The following CSMD3 variants were observed in gnomAD, a reference collection of about 807,000 sequenced individuals.
The protein encoded by CSMD3 is CUB and sushi domain-containing protein 3.
A neutral mutation model predicts 435.2 loss-of-function variants in CSMD3; 177 were observed. The ratio of observed to expected loss-of-function variants is 0.41; its 90% CI spans 0.36 to 0.46. The LOEUF (loss-of-function observed/expected upper bound fraction) is 0.46. CSMD3 is among the 20% of genes least tolerant of loss of function. CSMD3 has a pLI of 0.34. For synonymous variants in CSMD3, 1,656 were observed against 1,520.5 expected (o/e 1.09, Z -2.07); for missense variants, 4,265 against 4,504.6 (o/e 0.95, Z 1.52).
At chr8:112,262,167 T>C (rs1816470680) in intron 61 of CSMD3, among the ~76,000 whole-genome samples, 1 of 152,038 alleles carries the variant, frequency 6.6e-6, no homozygotes, top group Non-Finnish European at 1.5e-5. Flanking sequence ...CTAGCACTGA[T>C]TTATTTGTTG....
intron 59 of CSMD3, among the ~76,000 whole-genome samples, chr8:112,272,853 C>T (rs1419654333): frequency 6.6e-6 from 1 of 152,102 alleles, no homozygotes; most frequent in East Asian, 1.9e-4. Context: ...AAACCTCTCT[C>T]TTTGTTTCTT....
At chr8:113,085,296 G>GTCTAAAT (rs1375930205) in intron 5 of CSMD3, among the ~76,000 whole-genome samples, 1 of 151,446 alleles carries the variant, frequency 6.6e-6, no homozygotes, top group Admixed American at 6.6e-5. Context: ...ATCTAAATAG[G>GTCTAAAT]TGCTTGAGAA....
chr8:112,367,674 C>G (rs4876283), intron 38 of CSMD3, among the ~76,000 whole-genome samples: 59,900 of 151,988 alleles, frequency 0.39, 13,287 homozygotes, highest in Middle Eastern at 0.54. Flanking sequence ...ATGCAACAGC[C>G]TCCTCTTAAA....
At chr8:113,392,937 ATG>A (rs2094467001) in intron 1 of CSMD3, among the ~76,000 whole-genome samples, 1 of 109,458 alleles carries the variant, frequency 9.1e-6, no homozygotes, top group Non-Finnish European at 1.8e-5. Flanking sequence ...TTCTCTCTGC[ATG>A]TGTCTATATA....
At chr8:112,328,190 T>A (rs1162310649) in intron 45 of CSMD3, among the ~76,000 whole-genome samples, 1 of 152,152 alleles carries the variant, frequency 6.6e-6, no homozygotes, top group East Asian at 1.9e-4. Flanking sequence ...AATCTCATGA[T>A]TTGGGGGAGA....
chr8:112,428,395 C>A (rs1256255356), intron 32 of CSMD3, among the ~76,000 whole-genome samples: 1 of 151,864 alleles, frequency 6.6e-6, no homozygotes, highest in Non-Finnish European at 1.5e-5. Context: ...TTGGATATAC[C>A]AAACAACCAT....
At chr8:112,514,817 G>C (rs1440471998) in intron 28 of CSMD3, among the ~76,000 whole-genome samples, 2 of 151,958 alleles carry the variant, frequency 1.3e-5, no homozygotes, top group African/African-American at 4.8e-5. Flanking sequence ...TTAATCTTTG[G>C]CATGGTATTT....
intron 8 of CSMD3, among the ~76,000 whole-genome samples, chr8:112,948,152 T>C (rs2130800087): frequency 6.6e-6 from 1 of 152,088 alleles, no homozygotes; most frequent in South Asian, 2.1e-4. Flanking sequence ...GTTTTTAGTT[T>C]CCATCAAATT....
At chr8:112,716,414 A>G (rs2076729766) in intron 13 of CSMD3, among the ~76,000 whole-genome samples, 1 of 152,220 alleles carries the variant, frequency 6.6e-6, no homozygotes, top group African/African-American at 2.4e-5. Context: ...CTGCTCAAGG[A>G]AATAAGAGAA....
At chr8:112,469,703 A>G (rs1299307393) in intron 32 of CSMD3, among the ~76,000 whole-genome samples, 1 of 152,130 alleles carries the variant, frequency 6.6e-6, no homozygotes, top group Non-Finnish European at 1.5e-5. Flanking sequence ...GGCAGTAATG[A>G]TAGCTCACCT....
At chr8:113,021,267 T>C (rs2131183447) in intron 5 of CSMD3, among the ~76,000 whole-genome samples, 1 of 152,330 alleles carries the variant, frequency 6.6e-6, no homozygotes, top group Non-Finnish European at 1.5e-5. Flanking sequence ...TAAAATTTGC[T>C]TTCATTACTT....
chr8:112,894,454 T>C (rs1463163548), intron 10 of CSMD3, among the ~76,000 whole-genome samples: 1 of 151,370 alleles, frequency 6.6e-6, no homozygotes, highest in Non-Finnish European at 1.5e-5. Context: ...AATATTAGTA[T>C]AATATCTGAT....
intron 28 of CSMD3, among the ~76,000 whole-genome samples, chr8:112,509,855 A>G (rs959851386): frequency 4.2e-4 from 63 of 151,548 alleles, no homozygotes; most frequent in African/African-American, 1.5e-3. Context: ...CTCCTCCTAC[A>G]GATTTCTTGG....
rs1821077449 is a variant in CSMD3, at chr8:112,494,501, T to TTCTTTC, written c.5084-1824_5084-1819dup. Reference sequence around the variant, plus strand: ...TCTTTTGTTTCTTTCTCTCCTTTCTTTCTTTCTTTCTTTCTTTCTTTCTTT... The same window carrying TTCTTTC: ...TCTTTTGTTTCTTTCTCTCCTTTCTTTCTTTCTCTTTCTTTCTTTCTTTCTTTCTTT... On this transcript the variant is annotated intron_variant, in intron 30 of 70. Transcript: ENST00000297405. Among the ~76,000 whole-genome samples the TTCTTTC allele has an allele frequency of 9.1e-5, 3 of 33,100 alleles. 1 individual carries two copies. Among genetic ancestry groups the TTCTTTC allele is most frequent in the African/African-American group, 2.9e-4 (3 of 10,380 alleles). 21.7% of individuals were successfully genotyped at this position (33,100 alleles called of 152,430 possible).
chr8:112,489,290 T>C (rs529546829), intron 31 of CSMD3, among the ~76,000 whole-genome samples: 1 of 152,060 alleles, frequency 6.6e-6, no homozygotes, highest in Non-Finnish European at 1.5e-5. Flanking sequence ...CTGGGTGTAG[T>C]GGCACATGCC....
intron 13 of CSMD3, among the ~76,000 whole-genome samples, chr8:112,713,029 C>G (rs2076644505): frequency 6.6e-6 from 1 of 152,092 alleles, no homozygotes; most frequent in Non-Finnish European, 1.5e-5. Flanking sequence ...AAATCCAGCA[C>G]CAGCAACCAA....
At chr8:113,297,562 T>C (rs1050083500) in intron 2 of CSMD3, among the ~76,000 whole-genome samples, 1 of 152,072 alleles carries the variant, frequency 6.6e-6, no homozygotes, top group Non-Finnish European at 1.5e-5. Context: ...AAAAATGCTA[T>C]TTTATTTAAA....
chr8:112,308,788 T>C (rs1821683620), intron 50 of CSMD3, among the ~76,000 whole-genome samples: 1 of 152,044 alleles, frequency 6.6e-6, no homozygotes, highest in Non-Finnish European at 1.5e-5. Flanking sequence ...TCTATGTTTA[T>C]CCTCATGTTG....
intron 22 of CSMD3, among the ~76,000 whole-genome samples, chr8:112,590,087 G>C (rs903696475): frequency 6.6e-6 from 1 of 152,082 alleles, no homozygotes; most frequent in African/African-American, 2.4e-5. Flanking sequence ...TATTTGAAGT[G>C]GCTAGAGGCA....
Sources: gnomAD v4.1 joint callset for allele counts (sites outside exome capture counted in the v4.1 genomes callset) on GRCh38, gnomAD v4.1.1 for gene constraint, MANE v1.5 for transcripts, NCBI Gene and HGNC (gene_info 2026-07-23, HGNC 2026-07-21) for gene names.